RAI14: variants seen among roughly 807,000 people sequenced by gnomAD.
RAI14 encodes the protein retinoic acid induced 14.
A neutral mutation model predicts 115.4 loss-of-function variants in RAI14; 45 were observed. The observed-to-expected ratio is 0.39, with a 90% CI of 0.31 to 0.50. The LOEUF is 0.50. Among genes scored for constraint, RAI14 ranks in the 20% least tolerant of loss-of-function variants. RAI14 has a pLI of 0.85. For synonymous variants in RAI14, 371 were observed against 415.4 expected, an observed-to-expected ratio of 0.89 and a Z score of 1.30; for missense variants, 939 against 1,131.2, an observed-to-expected ratio of 0.83 and a Z score of 2.44.
At chr5:34,659,999 A>G (rs1207717089) in intron 1 of RAI14, among the ~76,000 whole-genome samples, 3 of 151,484 alleles carry the variant, frequency 2.0e-5, no homozygotes, top group Admixed American at 6.6e-5. Context: ...GAAACATGGT[A>G]AAACCTCATC....
intron 2 of RAI14, among the ~76,000 whole-genome samples, chr5:34,711,342 T>C (rs1390572773): frequency 6.6e-6 from 1 of 151,604 alleles, no homozygotes; most frequent in Non-Finnish European, 1.5e-5. Context: ...TTCTCAAGGG[T>C]GGGGAGAATT....
intron 2 of RAI14, among the ~76,000 whole-genome samples, chr5:34,748,200 T>C (rs1452598794): frequency 2.6e-5 from 4 of 152,058 alleles, no homozygotes; most frequent in Non-Finnish European, 5.9e-5. Context: ...TTAGGGAGAG[T>C]GATGGATTTC....
intron 3 of RAI14, among the ~76,000 whole-genome samples, chr5:34,777,871 TGG>T (rs57669915): frequency 0.12 from 18,009 of 151,112 alleles, 1,158 homozygotes; most frequent in East Asian, 0.23. Context: ...GTGGTGTGTG[TGG>T]GGGGGGTGTG....
chr5:34,812,233 T>C, intron 10 of RAI14, 25 bp downstream of exon 10: 2 of 1,558,100 alleles, frequency 1.3e-6, no homozygotes, highest in Non-Finnish European at 8.8e-7. Flanking sequence ...GGGAGGCTTC[T>C]ATGTTTCATT....
intron 2 of RAI14, chr5:34,757,171 C>G (rs1747997624): frequency 2.2e-6 from 1 of 450,822 alleles, no homozygotes; most frequent in Non-Finnish European, 4.4e-6. Context: ...TGTAAACTGG[C>G]CTTGAGGTCT....
intron 17 of RAI14, among the ~76,000 whole-genome samples, chr5:34,830,232 C>T (rs1347445753): frequency 6.6e-6 from 1 of 152,166 alleles, no homozygotes; most frequent in Non-Finnish European, 1.5e-5. Context: ...AATCCACCCG[C>T]TTCGGCCTCC....
intron 1 of RAI14, among the ~76,000 whole-genome samples, chr5:34,657,617 G>C (rs1455802937): frequency 6.6e-6 from 1 of 152,214 alleles, no homozygotes; most frequent in Non-Finnish European, 1.5e-5. Flanking sequence ...ACGCATGATC[G>C]GGGTGGGATT....
intron 3 of RAI14, among the ~76,000 whole-genome samples, chr5:34,776,803 T>TCAAAAAAAAACAACAACAA (rs1279080501): frequency 9.0e-5 from 13 of 144,874 alleles, no homozygotes; most frequent in Admixed American, 2.1e-4. Flanking sequence ...TGAGACCCTT[T>TCAAAAAAAAACAACAACAA]ATTAAAAAAA....
intron 2 of RAI14, among the ~76,000 whole-genome samples, chr5:34,721,579 T>C (rs1378044564): frequency 6.6e-6 from 1 of 152,052 alleles, no homozygotes; most frequent in Admixed American, 6.5e-5. Flanking sequence ...ACACAAGATA[T>C]TGTTCATGTG....
chr5:34,806,379 G>C (rs954006076), intron 5 of RAI14, among the ~76,000 whole-genome samples: 1 of 152,206 alleles, frequency 6.6e-6, no homozygotes, highest in African/African-American at 2.4e-5. Context: ...TAGACAGTGA[G>C]AGTCACAGTT....
intron 4 of RAI14, among the ~76,000 whole-genome samples, chr5:34,799,205 C>T (rs1753893233): frequency 6.6e-6 from 1 of 152,188 alleles, no homozygotes; most frequent in African/African-American, 2.4e-5. Context: ...TTCACTCTCC[C>T]TCTCAAGAAA....
At chr5:34,801,426 G>A (rs1221828064) in intron 4 of RAI14, among the ~76,000 whole-genome samples, 1 of 152,170 alleles carries the variant, frequency 6.6e-6, no homozygotes, top group East Asian at 1.9e-4. Flanking sequence ...TCTGGTCAGT[G>A]TTACAGACTG....
chr5:34,732,837 T>C (rs945606869), intron 2 of RAI14, among the ~76,000 whole-genome samples: 2 of 150,590 alleles, frequency 1.3e-5, no homozygotes, highest in African/African-American at 4.9e-5. Context: ...ATTTTTTCTC[T>C]AATAGGATTA....
intron 12 of RAI14, among the ~76,000 whole-genome samples, chr5:34,815,669 T>G (rs1252644976): frequency 6.6e-6 from 1 of 152,104 alleles, no homozygotes; most frequent in Non-Finnish European, 1.5e-5. Flanking sequence ...ATTGGGGAGA[T>G]GTTGGCTAGA....
chr5:34,781,301 A>G (rs958853104), intron 3 of RAI14, among the ~76,000 whole-genome samples: 2 of 152,118 alleles, frequency 1.3e-5, no homozygotes, highest in Non-Finnish European at 2.9e-5. Context: ...CAGCACACCA[A>G]CGTGGCACAT....
intron 2 of RAI14, among the ~76,000 whole-genome samples, chr5:34,728,846 G>C (rs568757243): frequency 6.6e-6 from 1 of 152,156 alleles, no homozygotes; most frequent in Admixed American, 6.5e-5. Flanking sequence ...CTCTTGAGTT[G>C]AGGAGTTTAA....
chr5:34,682,852 T>G (rs1317141199), intron 1 of RAI14, among the ~76,000 whole-genome samples: 3 of 152,234 alleles, frequency 2.0e-5, no homozygotes, highest in African/African-American at 7.2e-5. Flanking sequence ...TTGCTGTATT[T>G]CTTTTGAAGT....
At chr5:34,787,510 A>G (rs2150181064) in intron 3 of RAI14, among the ~76,000 whole-genome samples, 1 of 152,358 alleles carries the variant, frequency 6.6e-6, no homozygotes. Context: ...ATACAATCCC[A>G]TCTTTAAAAG....
chr5:34,801,975 G>A (rs1237345948), intron 4 of RAI14, among the ~76,000 whole-genome samples: 1 of 151,988 alleles, frequency 6.6e-6, no homozygotes, highest in African/African-American at 2.4e-5. Context: ...GAGGTGGGAG[G>A]ATCACTTGAC....
Sources: gnomAD v4.1 joint callset for allele counts (sites outside exome capture counted in the v4.1 genomes callset) on GRCh38, gnomAD v4.1.1 for gene constraint, MANE v1.5 for transcripts, NCBI Gene and HGNC (gene_info 2026-07-23, HGNC 2026-07-21) for gene names.